The following GRIN2A variants were observed in gnomAD, a reference collection of about 807,000 sequenced individuals.
The protein encoded by GRIN2A is glutamate receptor ionotropic, NMDA 2A.
A neutral mutation model predicts 113.4 loss-of-function variants in GRIN2A; 22 were observed. That is an observed-to-expected ratio of 0.19 (90% confidence interval 0.14 to 0.28). The LOEUF is 0.28. Ranked by LOEUF, GRIN2A falls within the 10% of genes least tolerant of loss-of-function variation. The pLI is 1.00. For missense variants in GRIN2A, 1,502 were observed against 1,887.0 expected (o/e 0.80, Z 3.78); for synonymous variants, 827 against 738.4 (o/e 1.12, Z -1.94).
Position 9,772,631 on chromosome 16 carries a change from C to T in GRIN2A, c.2357-3542G>A, listed in dbSNP as rs1027394943. On this transcript the variant is annotated intron_variant, in intron 11 of 12. Transcript: ENST00000330684. ...GCTCAAGCAACCCACCTGGCTCAGC[C>T]TCCCAAAGTGCTAGGATTACAGGCG... is the stretch of plus-strand genomic sequence containing the variant. Among the ~76,000 whole-genome samples, 3 of 152,284 alleles carry T rather than the reference C, an allele frequency of 2.0e-5. No individual in the cohort carries two copies. The East Asian group carries it at 5.8e-4, about 29-fold the overall frequency.
chr16:10,066,679 C>T (rs1456784363), intron 2 of GRIN2A, among the ~76,000 whole-genome samples: 1 of 152,160 alleles, frequency 6.6e-6, no homozygotes, highest in East Asian at 1.9e-4. Context: ...TAAGCTGCCC[C>T]TCCCAGTGTT....
chr16:9,886,000 T>C (rs1302794091), intron 4 of GRIN2A, among the ~76,000 whole-genome samples: 1 of 152,240 alleles, frequency 6.6e-6, no homozygotes, highest in East Asian at 1.9e-4. Flanking sequence ...AAATGGAGTG[T>C]ATCAAGGGCA....
At position 10,117,182 on chromosome 16, in the gene GRIN2A, G is replaced by A. The variant is rs192390637; in HGVS notation, c.414+62816C>T. 7.2e-5 allele frequency among the ~76,000 whole-genome samples: 11 copies of A among 152,272 alleles called. No individual in the cohort carries two copies. The East Asian group carries it at 2.1e-3, about 29-fold the overall frequency. On this transcript the variant is annotated intron_variant, in intron 2 of 12. Transcript: ENST00000330684. ...TTCTGCTGCCACACAGTTGGCTCTAGTTGTTGGCTCCAATTCTTGGCTCCA... is the reference window on the plus strand; with the variant it reads ...TTCTGCTGCCACACAGTTGGCTCTAATTGTTGGCTCCAATTCTTGGCTCCA...
chr16:10,065,990 T>C (rs756624664), intron 2 of GRIN2A, among the ~76,000 whole-genome samples: 12 of 152,192 alleles, frequency 7.9e-5, no homozygotes, highest in Non-Finnish European at 1.2e-4. Context: ...GAGAGGGCTT[T>C]CGGAAATGGA....
chr16:9,864,638 G>T (rs901595391), intron 4 of GRIN2A, among the ~76,000 whole-genome samples: 8 of 152,126 alleles, frequency 5.3e-5, no homozygotes, highest in Non-Finnish European at 8.8e-5. Context: ...AATTCCATTT[G>T]GATCTCAGCC....
intron 3 of GRIN2A, among the ~76,000 whole-genome samples, chr16:9,935,770 A>G (rs1488254684): frequency 6.6e-6 from 1 of 152,090 alleles, no homozygotes; most frequent in Non-Finnish European, 1.5e-5. Flanking sequence ...ATCTCAGCTC[A>G]CTGCAACCTC....
Position 10,156,819 on chromosome 16 carries a change from A to C in GRIN2A, c.414+23179T>G, listed in dbSNP as rs138479040. 2.1e-3 allele frequency among the ~76,000 whole-genome samples: 326 copies of C among 152,348 alleles called. 1 individual carries two copies. Among genetic ancestry groups the C allele is most frequent in the Middle Eastern group, 6.8e-3 (2 of 294 alleles). On this transcript the variant is annotated intron_variant, in intron 2 of 12. Transcript: ENST00000330684. Reference sequence around the variant, plus strand: ...ACACCTTATTTCATTCGATCCTAATAAGAACCCTGAGAGGTAGATTTCAAC... The same window carrying C: ...ACACCTTATTTCATTCGATCCTAATCAGAACCCTGAGAGGTAGATTTCAAC...
intron 2 of GRIN2A, among the ~76,000 whole-genome samples, chr16:10,045,405 C>T (rs1402841083): frequency 8.7e-6 from 1 of 115,174 alleles, no homozygotes; most frequent in African/African-American, 3.4e-5. Flanking sequence ...TCTCAGGCCT[C>T]TTGCAAATTT....
chr16:9,829,262 A>G (rs1175959185), intron 9 of GRIN2A, among the ~76,000 whole-genome samples, 161 bp downstream of exon 9: 1 of 152,186 alleles, frequency 6.6e-6, no homozygotes, highest in Non-Finnish European at 1.5e-5. Context: ...TGTTTCAAAA[A>G]CTTTGAGAAA....
chr16:9,788,367 C>T (rs761707373), intron 11 of GRIN2A, among the ~76,000 whole-genome samples: 1 of 151,874 alleles, frequency 6.6e-6, no homozygotes, highest in Non-Finnish European at 1.5e-5. Context: ...AAGTGATTCT[C>T]CTGCCTCAGC....
In GRIN2A at chr16:9,756,465, C is replaced by T. The variant is rs930564232; in HGVS notation, c.*6684G>A. 4 of 227,598 alleles carry T rather than the reference C, an allele frequency of 1.8e-5. No homozygotes were observed. Among genetic ancestry groups the T allele is most frequent in the Non-Finnish European group, 2.6e-5 (3 of 114,524 alleles). 14.1% of individuals were successfully genotyped at this position (227,598 alleles called of 1,614,324 possible). A position where few individuals can be genotyped will look rare whatever the true frequency, so the allele number is the denominator to read the frequency against. ...GAGGCTGATACTCAAGGGTATATGC[C>T]CAGGAACCTCAAAAGAGCACACCTC... On this transcript the variant is annotated 3_prime_UTR_variant, in exon 13 of 13. Transcript: ENST00000330684.
chr16:9,983,630 G>T (rs537967434), intron 2 of GRIN2A, among the ~76,000 whole-genome samples: 2 of 152,090 alleles, frequency 1.3e-5, no homozygotes, highest in Non-Finnish European at 2.9e-5. Context: ...TAGTAGAGAC[G>T]GAGTTTCACT....
chr16:9,870,769 C>G (rs1484880570), intron 4 of GRIN2A, among the ~76,000 whole-genome samples: 1 of 151,952 alleles, frequency 6.6e-6, no homozygotes, highest in African/African-American at 2.4e-5. Flanking sequence ...TCCTGAGTAG[C>G]TGAAACTACA....
intron 2 of GRIN2A, among the ~76,000 whole-genome samples, chr16:10,110,747 T>TC (rs2048596796): frequency 6.6e-6 from 1 of 152,196 alleles, no homozygotes; most frequent in Non-Finnish European, 1.5e-5. Context: ...CTTCCCAGGC[T>TC]CCACTCCTTT....
chr16:10,111,793 G>T, intron 2 of GRIN2A: 2 of 1,422,546 alleles, frequency 1.4e-6, no homozygotes, highest in Non-Finnish European at 2.0e-6. Context: ...GATCCGGCAT[G>T]GCTTCTCTTG....
intron 3 of GRIN2A, among the ~76,000 whole-genome samples, chr16:9,901,004 T>A (rs1216752884): frequency 6.6e-6 from 1 of 152,254 alleles, no homozygotes; most frequent in Non-Finnish European, 1.5e-5. Flanking sequence ...AACCAAAAAC[T>A]ATAGAATGAG....
At chr16:9,923,824 T>A (rs978481871) in intron 3 of GRIN2A, among the ~76,000 whole-genome samples, 2 of 152,060 alleles carry the variant, frequency 1.3e-5, no homozygotes, top group Non-Finnish European at 2.9e-5. Context: ...ATGATTTCAT[T>A]GTTTAAAAAT....
chr16:9,816,672 T>C (rs991227590), intron 10 of GRIN2A, among the ~76,000 whole-genome samples: 1 of 152,248 alleles, frequency 6.6e-6, no homozygotes, highest in Admixed American at 6.5e-5. Context: ...AATCTAAATC[T>C]GTCTCCACTC....
intron 3 of GRIN2A, 50 bp downstream of exon 3, chr16:9,937,909 C>G: frequency 2.3e-6 from 3 of 1,320,962 alleles, no homozygotes; most frequent in Non-Finnish European, 3.3e-6. Flanking sequence ...CAAACAATGA[C>G]AACAGCAAAA....
Sources: allele counts gnomAD v4.1 joint callset (sites outside exome capture counted in the v4.1 genomes callset), GRCh38; gene constraint gnomAD v4.1.1; transcripts MANE v1.5; gene names NCBI Gene and HGNC (gene_info 2026-07-23, HGNC 2026-07-21).